The following ERI1 variants were observed in gnomAD, a reference collection of about 807,000 sequenced individuals.
ERI1 encodes exoribonuclease 1.
A neutral mutation model predicts 39.7 loss-of-function variants in ERI1; 39 were observed. The ratio of observed to expected loss-of-function variants is 0.98; its 90% CI spans 0.76 to 1.28. The LOEUF (loss-of-function observed/expected upper bound fraction) is 1.28, where lower values mean the gene tolerates loss of function less well. Among genes scored for constraint, ERI1 ranks in the 50% most tolerant of loss-of-function variants. The probability of loss-of-function intolerance (pLI) is 0.00; values close to 1 mark genes in which losing one functional copy is unlikely to be tolerated. For missense variants in ERI1, 581 were observed against 416.9 expected (o/e 1.39, Z -3.43); for synonymous variants, 204 against 149.6 (o/e 1.36, Z -2.65).
intron 3 of ERI1, among the ~76,000 whole-genome samples, chr8:9,016,024 T>G (rs760047885): frequency 1.3e-5 from 2 of 152,044 alleles, no homozygotes; most frequent in Non-Finnish European, 2.9e-5. Context: ...CTTTATAGTT[T>G]TAAAATATTA....
chr8:9,038,532 G>A (rs1366062426), intron 3 of ERI1, among the ~76,000 whole-genome samples: 2 of 152,206 alleles, frequency 1.3e-5, no homozygotes, highest in African/African-American at 4.8e-5. Context: ...GGCTGAGGTG[G>A]GTGGATTGCT....
At chr8:9,060,897 G>A (rs1798672369) in intron 3 of ERI1, among the ~76,000 whole-genome samples, 1 of 152,230 alleles carries the variant, frequency 6.6e-6, no homozygotes, top group South Asian at 2.1e-4. Flanking sequence ...CTTAAGCAGA[G>A]TTTTTATTAA....
rs893045154 is a variant in ERI1, at chr8:9,008,037, G to C, written c.176G>C (p.Ser59Thr). 6.2e-7 allele frequency: 1 copy of C among 1,604,856 alleles called. No homozygotes were observed. The highest frequency in any genetic ancestry group is 8.5e-7 in the Non-Finnish European group (1 of 1,178,004). ...TCCAAGTTCATTACCTCCAGTGCGA[G>C]TGACTTCAGTGACCCGGTTTACAAA... The part of the protein sequence containing the change: ...KGSKFITSSA[S>T]DFSDPVYKEI... The change falls in exon 2 of 7, where the codon AGT becomes ACT. Residue 59 changes from serine to threonine, a missense_variant. Coordinates refer to ENST00000250263, the MANE Select transcript of ERI1 (RefSeq NM_153332.4).
intron 1 of ERI1, among the ~76,000 whole-genome samples, chr8:9,007,326 G>A (rs1174263321): frequency 2.0e-5 from 3 of 152,110 alleles, no homozygotes; most frequent in African/African-American, 7.2e-5. Context: ...TTGTTTTTAT[G>A]TTGGGCAATT....
At chr8:9,075,194 T>C (rs576447697) in intron 3 of ERI1, among the ~76,000 whole-genome samples, 6 of 152,356 alleles carry the variant, frequency 3.9e-5, no homozygotes, top group Non-Finnish European at 8.8e-5. Flanking sequence ...AAAAGTCTTA[T>C]CAAACCAAAA....
At chr8:9,035,917 G>T (rs1239117573), downstream of ERI1, among the ~76,000 whole-genome samples, 1 of 152,170 alleles carries the variant, frequency 6.6e-6, no homozygotes, top group African/African-American at 2.4e-5. Context: ...GCAAGAAGTT[G>T]ATTTCAGTCC....
At chr8:9,091,967 G>C (rs1180783649) in intron 3 of ERI1, among the ~76,000 whole-genome samples, 2 of 152,118 alleles carry the variant, frequency 1.3e-5, no homozygotes, top group Non-Finnish European at 2.9e-5. Context: ...TTTTGTTGTT[G>C]TTGTTTTGAG....
intron 3 of ERI1, among the ~76,000 whole-genome samples, chr8:9,047,264 C>G (rs182465234): frequency 6.6e-6 from 1 of 152,128 alleles, no homozygotes; most frequent in Non-Finnish European, 1.5e-5. Flanking sequence ...ATAGCAGTGC[C>G]TTTCGGGTGA....
chr8:9,059,900 C>G (rs924612758), intron 3 of ERI1, among the ~76,000 whole-genome samples: 2 of 152,052 alleles, frequency 1.3e-5, no homozygotes, highest in African/African-American at 4.8e-5. Flanking sequence ...GGGCACAGTC[C>G]AAGTTGGTCT....
intron 3 of ERI1, among the ~76,000 whole-genome samples, chr8:9,086,651 G>T (rs6983411): frequency 6.6e-6 from 1 of 152,008 alleles, no homozygotes; most frequent in Admixed American, 6.5e-5. Context: ...ATTATAGCAA[G>T]AAGCCTGTTG....
In ERI1 at chr8:9,032,668, C is replaced by G. The variant is rs1797670475; in HGVS notation, c.*2634C>G. ...AATGGTAATTTTTAAAAAGATGTGACCAGTTGACTTTTAGTATATCATCCC... is the reference window on the plus strand; with the variant it reads ...AATGGTAATTTTTAAAAAGATGTGAGCAGTTGACTTTTAGTATATCATCCC... On this transcript the variant is annotated 3_prime_UTR_variant, in exon 7 of 7. Coordinates refer to ENST00000250263, the MANE Select transcript of ERI1 (RefSeq NM_153332.4). 1 of 152,078 alleles carries G rather than the reference C, an allele frequency of 6.6e-6. No homozygotes were observed. Among genetic ancestry groups the G allele is most frequent in the Non-Finnish European group, 1.5e-5 (1 of 68,024 alleles). 9.4% of individuals were successfully genotyped at this position (152,078 alleles called of 1,614,324 possible).
intron 3 of ERI1, among the ~76,000 whole-genome samples, chr8:9,098,606 C>T (rs1799953309): frequency 6.6e-6 from 1 of 152,106 alleles, no homozygotes; most frequent in Admixed American, 6.5e-5. Flanking sequence ...AAAAAGACTA[C>T]ACCTTGGGTA....
intron 6 of ERI1, 125 bp from the exon 7 acceptor site, chr8:9,029,667 G>GC (rs1797445852): frequency 1.7e-6 from 2 of 1,153,960 alleles, no homozygotes; most frequent in Admixed American, 2.3e-5. Context: ...TGGGGGTATT[G>GC]CCCTTTGCCT....
intron 6 of ERI1, among the ~76,000 whole-genome samples, chr8:9,028,330 C>G (rs891871297): frequency 6.6e-6 from 1 of 152,136 alleles, no homozygotes; most frequent in Non-Finnish European, 1.5e-5. Flanking sequence ...TTTGTCTCTT[C>G]TACCTAAGTT....
chr8:9,095,680 C>T (rs902434493), intron 3 of ERI1, among the ~76,000 whole-genome samples: 5 of 152,004 alleles, frequency 3.3e-5, no homozygotes, highest in Admixed American at 2.0e-4. Context: ...GCCACCATGC[C>T]GAGCTAATTT....
intron 5 of ERI1, among the ~76,000 whole-genome samples, chr8:9,019,715 A>AAT (rs1817682864): frequency 6.6e-6 from 1 of 152,196 alleles, no homozygotes; most frequent in Non-Finnish European, 1.5e-5. Flanking sequence ...AGTTGACAGT[A>AAT]TTATAAGAAA....
chr8:9,009,575 C>T (rs953546589), intron 2 of ERI1, among the ~76,000 whole-genome samples: 3 of 152,102 alleles, frequency 2.0e-5, no homozygotes, highest in African/African-American at 7.2e-5. Context: ...GAGTCTTGCT[C>T]TGTCGCCAGG....
chr8:9,025,074 G>A (rs1818326889), intron 6 of ERI1, among the ~76,000 whole-genome samples: 1 of 152,186 alleles, frequency 6.6e-6, no homozygotes, highest in Non-Finnish European at 1.5e-5. Flanking sequence ...TGTCTCTGGT[G>A]TACAGTCAGA....
intron 6 of ERI1, among the ~76,000 whole-genome samples, chr8:9,025,632 C>G (rs566025557): frequency 6.6e-6 from 1 of 151,856 alleles, no homozygotes; most frequent in Admixed American, 6.6e-5. Flanking sequence ...AGTGACTGGG[C>G]CTTTGTTTAA....
Sources: gnomAD v4.1 joint callset for allele counts (sites outside exome capture counted in the v4.1 genomes callset) on GRCh38, gnomAD v4.1.1 for gene constraint, MANE v1.5 for transcripts, NCBI Gene and HGNC (gene_info 2026-07-23, HGNC 2026-07-21) for gene names.